EGR3: variants seen among roughly 807,000 people sequenced by gnomAD.
The protein encoded by EGR3 is early growth response protein 3.
A neutral mutation model predicts 22.4 loss-of-function variants in EGR3; 4 were observed. The observed-to-expected ratio is 0.18, with a 90% confidence interval of 0.09 to 0.41. The LOEUF (loss-of-function observed/expected upper bound fraction) is 0.41. EGR3 is among the 10% of genes least tolerant of loss of function. The pLI, the probability that EGR3 is intolerant of heterozygous loss-of-function variation, is 1.00. For missense variants in EGR3, 315 were observed against 541.3 expected, an observed-to-expected ratio of 0.58 and a Z score of 4.15; for synonymous variants, 219 against 226.8, an observed-to-expected ratio of 0.97 and a Z score of 0.31.
Position 22,692,676 on chromosome 8 carries a change from C to CCCATCCATCCATCCATCCATCCACCCAT in EGR3, c.154+114_154+115insATGGGTGGATGGATGGATGGATGGATGG. 2.2e-6 allele frequency: 3 copies of CCCATCCATCCATCCATCCATCCACCCAT among 1,373,384 alleles called. No individual in the cohort carries two copies. The highest frequency in any genetic ancestry group is 3.0e-6 in the Non-Finnish European group (3 of 1,015,622). The allele number at this position is 1,373,384 out of a possible 1,614,324, so 85.1% of individuals were successfully genotyped here. On this transcript the variant is annotated intron_variant, in intron 1 of 1. Transcript: ENST00000317216. The surrounding 1 kb of genome is among the most constrained non-coding windows in gnomAD (Gnocchi z 6.2). The stretch of plus-strand genomic sequence containing the variant: ...ATCCATTTATCTATCCACCCATCCA[C>CCCATCCATCCATCCATCCATCCACCCAT]CCATCCATCCATCCATCCATCCATC...
At position 22,692,915 on chromosome 8, in the gene EGR3, C is replaced by T. The variant is rs1483799384; in HGVS notation, c.30G>A (p.Pro10=). 2 of 1,612,820 alleles carry T rather than the reference C, an allele frequency of 1.2e-6. No homozygotes were observed. Among genetic ancestry groups the T allele is most frequent in the East Asian group, 2.2e-5 (1 of 44,786 alleles). ...GGTTTAGCAAACTGCTCATGGTCAC[C>T]GGCAGCTTCTCGGCGAGTTTGCCGG... MTGKLAEKL[P]VTMSSLLNQL... is the part of the protein sequence containing the mutation. The change falls in exon 1 of 2, where the codon CCG becomes CCA. Residue 10 remains proline, a synonymous_variant. Coordinates refer to ENST00000317216, the MANE Select transcript of EGR3 (RefSeq NM_004430.3). The surrounding 1 kb of genome is among the most constrained non-coding windows in gnomAD (Gnocchi z 6.2).
chr8:22,692,801 C>A lies in EGR3; in HGVS notation c.144G>T (p.Gln48His), dbSNP rs774799132. The part of the protein sequence containing the change: ...GSSDSVVHYN[Q>H]MATENVMDIG... ...CCCCGCCGCCCTTACCTGTAGCCAT[C>A]TGATTGTAATGGACTACCGAGTCGC... The change falls in exon 1 of 2, where the codon CAG becomes CAT. Residue 48 changes from glutamine (Q) to histidine (H), a missense_variant. Coordinates refer to ENST00000317216, the MANE Select transcript of EGR3 (RefSeq NM_004430.3). This position sits in a 1 kb window ranked among gnomAD's most constrained non-coding sequence, Gnocchi z 6.2. 6.2e-7 allele frequency: 1 copy of A among 1,613,436 alleles called. No homozygotes were observed. The highest frequency in any genetic ancestry group is 1.1e-5 in the South Asian group (1 of 91,056).
chr8:22,693,057 G>C lies in EGR3; in HGVS notation c.-113C>G. Reference sequence around the variant, plus strand: ...AGGCGATCCGTGGTGCAGGGGAAAAGCATGCGAGAGGGAAAGTTCGGGGGG... The same window carrying C: ...AGGCGATCCGTGGTGCAGGGGAAAACCATGCGAGAGGGAAAGTTCGGGGGG... On this transcript the variant is annotated 5_prime_UTR_variant, in exon 1 of 2. Coordinates refer to ENST00000317216, the MANE Select transcript of EGR3 (RefSeq NM_004430.3). 1 of 1,225,010 alleles carries C rather than the reference G, an allele frequency of 8.2e-7. No homozygotes were observed. Among genetic ancestry groups the C allele is most frequent in the Non-Finnish European group, 1.1e-6 (1 of 935,488 alleles). 75.9% of individuals were successfully genotyped at this position (1,225,010 alleles called of 1,614,324 possible).
chr8:22,692,592 G>C lies in EGR3; in HGVS notation c.154+199C>G, dbSNP rs1804008489. ...CCTTCTCGATCGAGGAGGGCGGGAG[G>C]AGTGGGTGGGAAAAGCAACTCGCCC... On this transcript the variant is annotated intron_variant, in intron 1 of 1. Coordinates refer to ENST00000317216, the MANE Select transcript of EGR3 (RefSeq NM_004430.3). The surrounding 1 kb of genome is among the most constrained non-coding windows in gnomAD (Gnocchi z 6.2). 7.0e-7 allele frequency: 1 copy of C among 1,424,012 alleles called. No individual in the cohort carries two copies. Among genetic ancestry groups the C allele is most frequent in the Admixed American group, 2.6e-5 (1 of 38,510 alleles). 88.2% of individuals were successfully genotyped at this position (1,424,012 alleles called of 1,614,324 possible). A position where few individuals can be genotyped will look rare whatever the true frequency, so the allele number is the denominator to read the frequency against.
At chr8:22,691,889 C>A in intron 1 of EGR3, 2 of 1,235,162 alleles carry the variant, frequency 1.6e-6, no homozygotes, top group Non-Finnish European at 1.0e-6. Context: ...TTCCCTTGGC[C>A]CTGTCCGCTC....
Position 22,688,527 on chromosome 8 carries a change from C to T in EGR3, c.*1946G>A, listed in dbSNP as rs1436321193. On this transcript the variant is annotated 3_prime_UTR_variant, in exon 2 of 2. Transcript: ENST00000317216. ...TTCACAACCCCCTGCTCTTCGATAT[C>T]CCCCCTTTCCACTAGAGTCCTTTTA... 6.6e-6 allele frequency: 1 copy of T among 152,414 alleles called. No homozygotes were observed. Among genetic ancestry groups the T allele is most frequent in the Non-Finnish European group, 1.5e-5 (1 of 68,040 alleles). 9.4% of individuals were successfully genotyped at this position (152,414 alleles called of 1,614,324 possible).
At position 22,689,021 on chromosome 8, in the gene EGR3, G is replaced by A. The variant is rs1803854795; in HGVS notation, c.*1452C>T. On this transcript the variant is annotated 3_prime_UTR_variant, in exon 2 of 2. Transcript: ENST00000317216. ...TACACACATATCCATACATAGATGT[G>A]TATATGTGTATATATGTACACTCAC... 2 of 152,594 alleles carry A rather than the reference G, an allele frequency of 1.3e-5. No homozygotes were observed. Among genetic ancestry groups the A allele is most frequent in the African/African-American group, 2.4e-5 (1 of 41,434 alleles). 9.5% of individuals were successfully genotyped at this position (152,594 alleles called of 1,614,324 possible).
In EGR3 at chr8:22,688,229, T is replaced by C. The variant is rs1803828767; in HGVS notation, c.*2244A>G. 6.6e-6 allele frequency: 1 copy of C among 152,628 alleles called. No homozygotes were observed. The highest frequency in any genetic ancestry group is 2.4e-5 in the African/African-American group (1 of 41,454). 9.5% of individuals were successfully genotyped at this position (152,628 alleles called of 1,614,324 possible). A position where few individuals can be genotyped will look rare whatever the true frequency, so the allele number is the denominator to read the frequency against. On this transcript the variant is annotated 3_prime_UTR_variant, in exon 2 of 2. Transcript: ENST00000317216. ...TTAGCTTAATGTCTGAGAACAGTTTTATTAAAACAAAGGAAAACTCAATTA... is the reference window on the plus strand; with the variant it reads ...TTAGCTTAATGTCTGAGAACAGTTTCATTAAAACAAAGGAAAACTCAATTA...
In EGR3 at chr8:22,688,740, A is replaced by G. The variant is rs532984295; in HGVS notation, c.*1733T>C. On this transcript the variant is annotated 3_prime_UTR_variant, in exon 2 of 2. Coordinates refer to ENST00000317216, the MANE Select transcript of EGR3 (RefSeq NM_004430.3). ...CAGGAGAAGTAACGCTAACAGGAAC[A>G]GTACATTCAGTCAAGACCATGCTGC... is the stretch of plus-strand genomic sequence containing the variant. 1.4e-4 allele frequency: 21 copies of G among 152,812 alleles called. No individual in the cohort carries two copies. The highest frequency in any genetic ancestry group is 4.8e-4 in the African/African-American group (20 of 41,578). 9.5% of individuals were successfully genotyped at this position (152,812 alleles called of 1,614,324 possible).
Position 22,692,938 on chromosome 8 carries a change from C to G in EGR3, c.7G>C (p.Gly3Arg). The change falls in exon 1 of 2, where the codon GGC (glycine) becomes CGC (arginine). Residue 3 changes from glycine to arginine, a missense_variant. By Grantham distance (125) the Gly-to-Arg change is moderately radical. Coordinates refer to ENST00000317216, the MANE Select transcript of EGR3 (RefSeq NM_004430.3). The surrounding 1 kb of genome is among the most constrained non-coding windows in gnomAD (Gnocchi z 6.2). ...ACCGGCAGCTTCTCGGCGAGTTTGC[C>G]GGTCATAGCACTCCCGAGCTGCCGC... MT[G>R]KLAEKLPVTM... The G allele has an allele frequency of 1.2e-6, 2 of 1,611,346 alleles. No individual in the cohort carries two copies. Among genetic ancestry groups the G allele is most frequent in the Non-Finnish European group, 1.7e-6 (2 of 1,179,472 alleles).
intron 1 of EGR3, chr8:22,691,882 C>G: frequency 1.0e-6 from 1 of 985,394 alleles, no homozygotes; most frequent in Non-Finnish European, 1.2e-6. Context: ...CGGCCTCTTC[C>G]CTTGGCCCTG....
chr8:22,692,313 C>A lies in EGR3; in HGVS notation c.154+478G>T. The A allele has an allele frequency of 6.6e-7, 1 of 1,519,474 alleles. No individual in the cohort carries two copies. Among genetic ancestry groups the A allele is most frequent in the East Asian group, 2.6e-5 (1 of 38,418 alleles). The allele number at this position is 1,519,474 out of a possible 1,614,324, so 94.1% of individuals were successfully genotyped here. ...CAGCGTCGCAGTACCTCTCCCACCG[C>A]GGGGACTCCACGCCGCACATGGCTC... On this transcript the variant is annotated intron_variant, in intron 1 of 1. Coordinates refer to ENST00000317216, the MANE Select transcript of EGR3 (RefSeq NM_004430.3). This position sits in a 1 kb window ranked among gnomAD's most constrained non-coding sequence, Gnocchi z 6.2.
rs770711526 is a variant in EGR3 at position 22,692,676 on chromosome 8, CCCATCCATCCAT to C, written c.154+103_154+114del. On this transcript the variant is annotated intron_variant, in intron 1 of 1. Coordinates refer to ENST00000317216, the MANE Select transcript of EGR3 (RefSeq NM_004430.3). This position sits in a 1 kb window ranked among gnomAD's most constrained non-coding sequence, Gnocchi z 6.2. ...ATCCATTTATCTATCCACCCATCCACCCATCCATCCATCCATCCATCCATCCATCCATCCATC... is the reference window on the plus strand; with the variant it reads ...ATCCATTTATCTATCCACCCATCCACCCATCCATCCATCCATCCATCCATC... 807 of 1,373,368 alleles carry C rather than the reference CCCATCCATCCAT, an allele frequency of 5.9e-4. 2 individuals carry two copies. The highest frequency in any genetic ancestry group is 6.7e-4 in the Middle Eastern group (3 of 4,448). 85.1% of individuals were successfully genotyped at this position (1,373,368 alleles called of 1,614,324 possible).
Position 22,689,313 on chromosome 8 carries a change from A to G in EGR3, c.*1160T>C, listed in dbSNP as rs918982180. ...CATGCATATACATACACATACATAC[A>G]CACGCACACCATATACTTATATTTA... On this transcript the variant is annotated 3_prime_UTR_variant, in exon 2 of 2. Transcript: ENST00000317216. The G allele has an allele frequency of 3.9e-5, 6 of 152,630 alleles. No homozygotes were observed. The highest frequency in any genetic ancestry group is 1.4e-4 in the African/African-American group (6 of 41,450). 9.5% of individuals were successfully genotyped at this position (152,630 alleles called of 1,614,324 possible). A position where few individuals can be genotyped will look rare whatever the true frequency, so the allele number is the denominator to read the frequency against.
Position 22,692,205 on chromosome 8 carries a change from C to G in EGR3, c.154+586G>C. 1 of 1,409,008 alleles carries G rather than the reference C, an allele frequency of 7.1e-7. No individual in the cohort carries two copies. The highest frequency in any genetic ancestry group is 9.2e-7 in the Non-Finnish European group (1 of 1,087,216). The allele number at this position is 1,409,008 out of a possible 1,614,324, so 87.3% of individuals were successfully genotyped here. On this transcript the variant is annotated intron_variant, in intron 1 of 1. Transcript: ENST00000317216. This position sits in a 1 kb window ranked among gnomAD's most constrained non-coding sequence, Gnocchi z 6.2. ...CCGGCCCCGGGATCGTTCCCCGTGG[C>G]AGGCCCTCGCCCCGCGGGTGAACCC...
chr8:22,691,774 T>C (rs1803969902), intron 1 of EGR3: 1 of 984,512 alleles, frequency 1.0e-6, no homozygotes, highest in Non-Finnish European at 1.2e-6. Context: ...GCGAGAAGCA[T>C]TGTTGTTCTT....
chr8:22,690,823 C>T lies in EGR3; in HGVS notation c.814G>A (p.Glu272Lys). 1 of 1,610,996 alleles carries T rather than the reference C, an allele frequency of 6.2e-7. No individual in the cohort carries two copies. The highest frequency in any genetic ancestry group is 8.5e-7 in the Non-Finnish European group (1 of 1,177,822). ...PNRPSKTPLH[E>K]RPHACPAEGC... ...TCGGCCGGGCACGCGTGGGGCCGTT[C>T]GTGGAGCGGTGTCTTGCTAGGCCGG... is the stretch of plus-strand genomic sequence containing the variant. The change falls in exon 2 of 2, where the codon GAA becomes AAA. Residue 272 changes from glutamate to lysine, a missense_variant. By Grantham distance (56) the Glu-to-Lys change is moderately conservative (BLOSUM62 1). Around this residue, in one of 4 missense-constraint regions of EGR3, gnomAD observed 34 missense variants for 81.9 expected, o/e 0.42. Transcript: ENST00000317216.
Position 22,692,272 on chromosome 8 carries a change from G to A in EGR3, c.154+519C>T, listed in dbSNP as rs1241327972. The A allele has an allele frequency of 6.6e-7, 1 of 1,506,540 alleles. No individual in the cohort carries two copies. 93.3% of individuals were successfully genotyped at this position (1,506,540 alleles called of 1,614,324 possible). ...GTCCCCACACCCCCACGGCTTTGCT[G>A]AACGCCCCGGAAAGGCAGCGTCGCA... On this transcript the variant is annotated intron_variant, in intron 1 of 1. Transcript: ENST00000317216. The surrounding 1 kb of genome is among the most constrained non-coding windows in gnomAD (Gnocchi z 6.2).
In EGR3 at chr8:22,692,779, C is replaced by T. The variant is rs1804015592; in HGVS notation, c.154+12G>A. On this transcript the variant is annotated intron_variant, in intron 1 of 1. Coordinates refer to ENST00000317216, the MANE Select transcript of EGR3 (RefSeq NM_004430.3). The surrounding 1 kb of genome is among the most constrained non-coding windows in gnomAD (Gnocchi z 6.2). ...CTTCCTCGCTGCCTCGCCGCCTCCC[C>T]GCCGCCCTTACCTGTAGCCATCTGA... The T allele has an allele frequency of 6.2e-7, 1 of 1,613,428 alleles. No individual in the cohort carries two copies. The highest frequency in any genetic ancestry group is 8.5e-7 in the Non-Finnish European group (1 of 1,179,906).
Sources: allele counts gnomAD v4.1 joint callset, GRCh38; gene constraint gnomAD v4.1.1; regional missense constraint gnomAD v4.1.1; non-coding constraint Gnocchi (gnomAD v3.1); transcripts MANE v1.5; gene names NCBI Gene and HGNC (gene_info 2026-07-23, HGNC 2026-07-21).